GALNT14: variants seen among roughly 807,000 people sequenced by gnomAD.
The protein encoded by GALNT14 is polypeptide N-acetylgalactosaminyltransferase 14, also known as UDP-GalNAc:polypeptide N-acetylgalactosaminyltransferase 14.
In GALNT14, 60 loss-of-function variants were observed where a neutral mutation model predicts 77.5. The observed-to-expected ratio is 0.77, with a 90% confidence interval of 0.63 to 0.96. The LOEUF (loss-of-function observed/expected upper bound fraction) is 0.96, where lower values mean the gene tolerates loss of function less well. Ranked by LOEUF, GALNT14 falls within the 40% of genes least tolerant of loss-of-function variation. The pLI, the probability that GALNT14 is intolerant of heterozygous loss-of-function variation, is 0.00. For synonymous variants in GALNT14, 280 were observed against 281.7 expected (o/e 0.99, Z 0.06); for missense variants, 710 against 731.0 (o/e 0.97, Z 0.33).
chr2:31,122,953 G>A (rs13413867), intron 1 of GALNT14, among the ~76,000 whole-genome samples: 3,236 of 152,120 alleles, frequency 0.021, 118 homozygotes, highest in African/African-American at 0.069. Flanking sequence ...AGGCCGAGGC[G>A]GGCGGATCAC....
chr2:31,091,176 AC>A (rs1231857567), intron 1 of GALNT14, among the ~76,000 whole-genome samples: 1 of 151,506 alleles, frequency 6.6e-6, no homozygotes, highest in Non-Finnish European at 1.5e-5. Context: ...AATCCTACCC[AC>A]CCCCCATTTC....
chr2:31,123,934 C>G (rs116137231), intron 1 of GALNT14, among the ~76,000 whole-genome samples: 2,827 of 152,258 alleles, frequency 0.019, 34 homozygotes, highest in Non-Finnish European at 0.026. Flanking sequence ...TTGTATCTTT[C>G]CAGTAATACA....
intron 1 of GALNT14, among the ~76,000 whole-genome samples, chr2:31,121,574 G>T (rs10190183): frequency 0.14 from 21,284 of 151,934 alleles, 2,136 homozygotes; most frequent in African/African-American, 0.28. Context: ...TAACTTTTCC[G>T]CAGTCTGGCC....
chr2:30,920,414 C>T (rs554492339), intron 13 of GALNT14, among the ~76,000 whole-genome samples: 13 of 152,246 alleles, frequency 8.5e-5, no homozygotes, highest in Admixed American at 2.6e-4. Flanking sequence ...GCAGATGTGA[C>T]TCCCTCTGGA....
Position 31,006,292 on chromosome 2 carries a change from A to T in GALNT14, c.130-13285T>A, listed in dbSNP as rs1361613888. On this transcript the variant is annotated intron_variant, in intron 1 of 14. Transcript: ENST00000349752. ...CCAGGCGAAAGAACTGGCTTTAAAA[A>T]GTGACTACTTCTCACACTAGATACA... Among the ~76,000 whole-genome samples, 3 of 152,170 alleles carry T rather than the reference A, an allele frequency of 2.0e-5. 1 individual carries two copies. Among genetic ancestry groups the T allele is most frequent in the African/African-American group, 7.2e-5 (3 of 41,446 alleles).
intron 9 of GALNT14, among the ~76,000 whole-genome samples, chr2:30,937,317 A>G (rs1666114229): frequency 6.6e-6 from 1 of 152,198 alleles, no homozygotes; most frequent in Admixed American, 6.5e-5. Flanking sequence ...GGGGCCTACT[A>G]CCATTTTCCA....
intron 2 of GALNT14, among the ~76,000 whole-genome samples, chr2:30,971,169 C>A (rs1482105798): frequency 6.6e-6 from 1 of 152,052 alleles, no homozygotes; most frequent in African/African-American, 2.4e-5. Context: ...GGAGAGTCGG[C>A]CCAGACAGTA....
In GALNT14 at chr2:30,971,350, C is replaced by T. The variant is rs58056469; in HGVS notation, c.300-5048G>A. Among the ~76,000 whole-genome samples, 163 of 151,974 alleles carry T rather than the reference C, an allele frequency of 1.1e-3. 1 individual carries two copies. Among genetic ancestry groups the T allele is most frequent in the African/African-American group, 3.8e-3 (157 of 41,428 alleles). Reference sequence around the variant, plus strand: ...TTTTACTGGAAGAAGAGCCAGTGAGCGGGAAAGATTGGGGGCGGGGTGTGG... The same window carrying T: ...TTTTACTGGAAGAAGAGCCAGTGAGTGGGAAAGATTGGGGGCGGGGTGTGG... On this transcript the variant is annotated intron_variant, in intron 2 of 14. Coordinates refer to ENST00000349752, the MANE Select transcript of GALNT14 (RefSeq NM_024572.4).
At chr2:30,929,633 T>G (rs932162109) in intron 10 of GALNT14, 146 bp from the exon 11 acceptor site, 1 of 631,956 alleles carries the variant, frequency 1.6e-6, no homozygotes, top group East Asian at 2.9e-5. Context: ...TCATTCCTGT[T>G]CCCAGGGCAC....
intron 1 of GALNT14, among the ~76,000 whole-genome samples, chr2:31,124,145 T>C (rs143523973): frequency 1.0e-3 from 155 of 152,320 alleles, no homozygotes; most frequent in African/African-American, 3.5e-3. Flanking sequence ...CAGGTGATTT[T>C]GCCCGCTCTG....
the GALNT14 span, among the ~76,000 whole-genome samples, chr2:30,904,484 A>C: frequency 6.6e-6 from 1 of 152,324 alleles, no homozygotes; most frequent in South Asian, 2.1e-4. Context: ...CTCCCACCCG[A>C]ATACTGCGCT....
At chr2:31,052,046 C>G (rs1463191077) in intron 1 of GALNT14, among the ~76,000 whole-genome samples, 4 of 152,080 alleles carry the variant, frequency 2.6e-5, no homozygotes, top group Admixed American at 6.5e-5. Flanking sequence ...AAGGAGATAC[C>G]CCACTGAGTG....
chr2:31,068,507 CAAA>C (rs56916863), intron 1 of GALNT14, among the ~76,000 whole-genome samples: 14 of 104,300 alleles, frequency 1.3e-4, no homozygotes, highest in African/African-American at 1.4e-4. Context: ...GACCCCGTCT[CAAA>C]AAAAAAAAAA....
chr2:31,075,040 G>A (rs945759299), intron 1 of GALNT14, among the ~76,000 whole-genome samples: 3 of 152,316 alleles, frequency 2.0e-5, no homozygotes, highest in Non-Finnish European at 2.9e-5. Flanking sequence ...CAGGTCCTGG[G>A]AGCGGATCCC....
At chr2:30,996,670 T>C (rs1670057619) in intron 1 of GALNT14, among the ~76,000 whole-genome samples, 1 of 152,368 alleles carries the variant, frequency 6.6e-6, no homozygotes, top group East Asian at 1.9e-4. Context: ...CAGTGCCTTC[T>C]GGGAGCACCA....
intron 2 of GALNT14, among the ~76,000 whole-genome samples, chr2:30,986,608 G>C (rs1244500816): frequency 1.3e-5 from 2 of 152,090 alleles, no homozygotes; most frequent in Non-Finnish European, 2.9e-5. Flanking sequence ...ATGTAATTGT[G>C]GTTTTTTCCA....
chr2:30,926,081 T>C (rs1283160984), intron 11 of GALNT14, among the ~76,000 whole-genome samples: 1 of 152,196 alleles, frequency 6.6e-6, no homozygotes, highest in Non-Finnish European at 1.5e-5. Flanking sequence ...ACCTCAAGAT[T>C]GCACTATAAC....
At chr2:31,043,283 G>A (rs186218851) in intron 1 of GALNT14, among the ~76,000 whole-genome samples, 9 of 152,230 alleles carry the variant, frequency 5.9e-5, no homozygotes, top group Non-Finnish European at 1.2e-4. Context: ...CCCAGTCCAT[G>A]CTCTTTTTCT....
At chr2:31,007,535 T>C (rs1670756452) in intron 1 of GALNT14, among the ~76,000 whole-genome samples, 1 of 152,192 alleles carries the variant, frequency 6.6e-6, no homozygotes, top group South Asian at 2.1e-4. Flanking sequence ...TGTAAGGTGT[T>C]AGAGTGACAT....
Sources: gnomAD v4.1 joint callset for allele counts (sites outside exome capture counted in the v4.1 genomes callset) on GRCh38, gnomAD v4.1.1 for gene constraint, MANE v1.5 for transcripts, NCBI Gene and HGNC (gene_info 2026-07-23, HGNC 2026-07-21) for gene names.